ANKS1B: variants seen among roughly 807,000 people sequenced by gnomAD.
ANKS1B encodes the protein ankyrin repeat and sterile alpha motif domain-containing protein 1B.
ANKS1B carries 36 observed loss-of-function variants against 148.3 expected under a neutral mutation model. The ratio of observed to expected loss-of-function variants is 0.24; its 90% CI spans 0.19 to 0.32. The LOEUF is 0.32. Among genes scored for constraint, ANKS1B ranks in the 10% least tolerant of loss-of-function variants. The probability of loss-of-function intolerance (pLI) is 1.00; values close to 1 mark genes in which losing one functional copy is unlikely to be tolerated. For synonymous variants in ANKS1B, 542 were observed against 560.8 expected (o/e 0.97, Z 0.47); for missense variants, 1,157 against 1,542.6 (o/e 0.75, Z 4.19).
intron 4 of ANKS1B, among the ~76,000 whole-genome samples, chr12:99,792,662 C>T (rs1352521097): frequency 6.6e-6 from 1 of 151,684 alleles, no homozygotes; most frequent in Non-Finnish European, 1.5e-5. Flanking sequence ...TCCAACATCC[C>T]TTCCTGTTTT....
chr12:99,814,740 CT>C (rs1166687823), intron 2 of ANKS1B, among the ~76,000 whole-genome samples: 1 of 151,704 alleles, frequency 6.6e-6, no homozygotes, highest in Non-Finnish European at 1.5e-5. Context: ...GAGATTACAT[CT>C]TGGTGCTAGT....
intron 8 of ANKS1B, among the ~76,000 whole-genome samples, chr12:99,716,603 C>T (rs926609859): frequency 4.6e-5 from 7 of 152,146 alleles, no homozygotes. Context: ...GAAAATGGCA[C>T]TTTCAATTTT....
intron 15 of ANKS1B, among the ~76,000 whole-genome samples, chr12:99,140,214 A>G (rs537050494): frequency 3.3e-5 from 5 of 152,302 alleles, no homozygotes; most frequent in South Asian, 2.1e-4. Context: ...AACAACCTGC[A>G]CTACTTCATG....
At chr12:99,919,504 G>T (rs183130020) in intron 1 of ANKS1B, among the ~76,000 whole-genome samples, 2 of 152,260 alleles carry the variant, frequency 1.3e-5, no homozygotes, top group East Asian at 3.9e-4. Context: ...TAAATTGGAA[G>T]CTTGCATAAA....
chr12:99,294,002 G>T (rs563950521), intron 12 of ANKS1B, among the ~76,000 whole-genome samples: 2 of 152,246 alleles, frequency 1.3e-5, no homozygotes, highest in East Asian at 3.9e-4. Flanking sequence ...TTTAAATGAT[G>T]TTTATCCAAA....
At chr12:99,400,724 AATAATT>A (rs1276944707) in intron 11 of ANKS1B, among the ~76,000 whole-genome samples, 1 of 144,990 alleles carries the variant, frequency 6.9e-6, no homozygotes, top group Non-Finnish European at 1.5e-5. Context: ...AATCTCTTAT[AATAATT>A]ATAAGAGATC....
intron 9 of ANKS1B, among the ~76,000 whole-genome samples, chr12:99,637,662 GC>G (rs2098252377): frequency 6.6e-6 from 1 of 151,946 alleles, no homozygotes; most frequent in Non-Finnish European, 1.5e-5. Flanking sequence ...GATGCTTCCT[GC>G]CCTCAAACAT....
intron 15 of ANKS1B, among the ~76,000 whole-genome samples, chr12:99,133,407 A>C (rs1427256410): frequency 6.6e-6 from 1 of 152,116 alleles, no homozygotes; most frequent in Non-Finnish European, 1.5e-5. Context: ...ATTTAGTGTT[A>C]ACCCCTTCAT....
chr12:99,593,501 A>T (rs959934030), intron 9 of ANKS1B, among the ~76,000 whole-genome samples: 6 of 152,164 alleles, frequency 3.9e-5, no homozygotes, highest in Admixed American at 3.3e-4. Context: ...CTCTGCAACA[A>T]ATAATACACT....
intron 3 of ANKS1B, among the ~76,000 whole-genome samples, chr12:99,808,202 A>C (rs2067880894): frequency 6.6e-6 from 1 of 152,106 alleles, no homozygotes; most frequent in East Asian, 1.9e-4. Flanking sequence ...AGCTGTTCTG[A>C]TGAAAATAAA....
downstream of ANKS1B, among the ~76,000 whole-genome samples, chr12:98,742,344 CTTT>C (rs879698371): frequency 7.0e-6 from 1 of 143,552 alleles, no homozygotes; most frequent in Non-Finnish European, 1.5e-5. Context: ...GCCCATGCAG[CTTT>C]TTTTTTTTTT....
At chr12:98,958,439 T>C (rs1311267451) in intron 17 of ANKS1B, among the ~76,000 whole-genome samples, 4 of 152,228 alleles carry the variant, frequency 2.6e-5, no homozygotes, top group African/African-American at 9.6e-5. Flanking sequence ...GTTATCACTG[T>C]TGAAGCATTT....
chr12:99,245,594 A>T (rs2090105900), intron 13 of ANKS1B, among the ~76,000 whole-genome samples: 1 of 152,212 alleles, frequency 6.6e-6, no homozygotes, highest in Admixed American at 6.5e-5. Context: ...TTCTCCAAAT[A>T]CTATAATGAT....
chr12:99,319,883 C>A (rs1365541082), intron 12 of ANKS1B, among the ~76,000 whole-genome samples: 1 of 152,128 alleles, frequency 6.6e-6, no homozygotes, highest in African/African-American at 2.4e-5. Context: ...GTAAAGCAGG[C>A]CTAGTGGTGA....
intron 25 of ANKS1B, among the ~76,000 whole-genome samples, chr12:98,754,443 T>A (rs1045823597): frequency 2.0e-5 from 3 of 152,172 alleles, no homozygotes; most frequent in African/African-American, 4.8e-5. Context: ...AGTCTCACAA[T>A]GAAGACACAG....
chr12:99,399,517 G>T, intron 12 of ANKS1B, 114 bp downstream of exon 12: 1 of 1,074,076 alleles, frequency 9.3e-7, no homozygotes, highest in Non-Finnish European at 1.3e-6. Context: ...GCCACACATG[G>T]AGGTGAACTA....
At chr12:99,486,181 T>C (rs1014401218) in intron 10 of ANKS1B, among the ~76,000 whole-genome samples, 3 of 151,834 alleles carry the variant, frequency 2.0e-5, no homozygotes, top group African/African-American at 7.2e-5. Flanking sequence ...CTTAAATTTA[T>C]GTTTGATTTG....
chr12:99,092,483 A>C (rs904749613), intron 15 of ANKS1B, among the ~76,000 whole-genome samples: 3 of 152,038 alleles, frequency 2.0e-5, no homozygotes, highest in Admixed American at 1.3e-4. Flanking sequence ...AAAAAAAAAA[A>C]AAAAAAACTT....
At chr12:99,494,347 T>G (rs899175666) in intron 10 of ANKS1B, among the ~76,000 whole-genome samples, 1 of 152,006 alleles carries the variant, frequency 6.6e-6, no homozygotes, top group South Asian at 2.1e-4. Context: ...AGTCGTCAGG[T>G]GGGATCAAGG....
Sources: allele counts gnomAD v4.1 joint callset (sites outside exome capture counted in the v4.1 genomes callset), GRCh38; gene constraint gnomAD v4.1.1; transcripts MANE v1.5; gene names NCBI Gene and HGNC (gene_info 2026-07-23, HGNC 2026-07-21).